HS3ST4: variants seen among roughly 807,000 people sequenced by gnomAD.
HS3ST4 encodes the protein heparan sulfate glucosamine 3-O-sulfotransferase 4.
In HS3ST4, 17 loss-of-function variants were observed where a neutral mutation model predicts 29.2. The ratio of observed to expected loss-of-function variants is 0.58; its 90% CI spans 0.40 to 0.87. HS3ST4 has a LOEUF of 0.87. Among genes scored for constraint, HS3ST4 ranks in the 40% least tolerant of loss-of-function variants. The pLI, the probability that HS3ST4 is intolerant of heterozygous loss-of-function variation, is 0.00. For synonymous variants in HS3ST4, 314 were observed against 285.7 expected (o/e 1.10, Z -1.00); for missense variants, 627 against 634.5 (o/e 0.99, Z 0.13).
intron 1 of HS3ST4, among the ~76,000 whole-genome samples, chr16:26,095,851 A>T (rs1898919654): frequency 6.6e-6 from 1 of 152,230 alleles, no homozygotes; most frequent in Non-Finnish European, 1.5e-5. Context: ...AAAGATCAAC[A>T]AAATTGATAG....
chr16:25,855,311 ATGTCTC>A (rs1234541521), intron 1 of HS3ST4, among the ~76,000 whole-genome samples: 2 of 152,134 alleles, frequency 1.3e-5, no homozygotes, highest in Non-Finnish European at 2.9e-5. Flanking sequence ...TAGGTGGTAA[ATGTCTC>A]CTTTTGGACT....
chr16:25,750,973 A>G (rs1038199999), intron 1 of HS3ST4, among the ~76,000 whole-genome samples: 1 of 152,168 alleles, frequency 6.6e-6, no homozygotes, highest in African/African-American at 2.4e-5. Flanking sequence ...CAGGGCAGGC[A>G]GGAGGAAAGG....
chr16:25,954,014 G>A (rs1037459400), intron 1 of HS3ST4, among the ~76,000 whole-genome samples: 5 of 152,110 alleles, frequency 3.3e-5, no homozygotes, highest in Non-Finnish European at 7.4e-5. Context: ...AGAGTCTCAG[G>A]TGCTTGCAAA....
chr16:26,014,285 C>G (rs556492387), intron 1 of HS3ST4, among the ~76,000 whole-genome samples: 3 of 152,190 alleles, frequency 2.0e-5, no homozygotes, highest in Admixed American at 6.5e-5. Context: ...TCCATGAATA[C>G]TTAACAAATG....
intron 1 of HS3ST4, among the ~76,000 whole-genome samples, chr16:25,939,013 C>T (rs1023690744): frequency 6.6e-6 from 1 of 152,096 alleles, no homozygotes; most frequent in Non-Finnish European, 1.5e-5. Flanking sequence ...TAGTGATCAG[C>T]GATGATCAGT....
rs183668559 is a variant in HS3ST4, at chr16:25,865,721, G to A, written c.734+172570G>A. ...AAAGTTGCCAAGACCATGCAATAGG[G>A]AAAGGACAGCCTCTTCATTGCATAA... is the stretch of plus-strand genomic sequence containing the variant. On this transcript the variant is annotated intron_variant, in intron 1 of 1. Transcript: ENST00000331351. Among the ~76,000 whole-genome samples, 797 of 152,284 alleles carry A rather than the reference G, an allele frequency of 5.2e-3. 4 individuals are homozygous for A. Among genetic ancestry groups the A allele is most frequent in the Non-Finnish European group, 7.9e-3 (537 of 68,024 alleles).
At chr16:25,709,939 G>C (rs1567224554) in intron 1 of HS3ST4, among the ~76,000 whole-genome samples, 1 of 152,126 alleles carries the variant, frequency 6.6e-6, no homozygotes. Context: ...AAGTGAAATA[G>C]TTTCATCACA....
chr16:25,753,128 A>C (rs1966732637), intron 1 of HS3ST4, among the ~76,000 whole-genome samples: 1 of 152,210 alleles, frequency 6.6e-6, no homozygotes, highest in Admixed American at 6.5e-5. Context: ...GTCTATAAAT[A>C]AGAGCTGTCC....
At chr16:26,071,755 C>T (rs1255435274) in intron 1 of HS3ST4, among the ~76,000 whole-genome samples, 2 of 152,160 alleles carry the variant, frequency 1.3e-5, no homozygotes, top group African/African-American at 4.8e-5. Context: ...TAGGGTATAA[C>T]ATTGAAGGGA....
intron 1 of HS3ST4, among the ~76,000 whole-genome samples, chr16:26,046,186 T>C (rs1898262678): frequency 6.8e-6 from 1 of 147,010 alleles, no homozygotes; most frequent in African/African-American, 2.5e-5. Flanking sequence ...AGTATCGCTC[T>C]ATCGCCCAGG....
intron 1 of HS3ST4, among the ~76,000 whole-genome samples, chr16:25,874,777 G>A (rs1967812161): frequency 6.6e-6 from 1 of 152,158 alleles, no homozygotes; most frequent in Non-Finnish European, 1.5e-5. Context: ...CAGACAGTTG[G>A]AAAGTAGCAT....
At chr16:25,799,031 C>G (rs1014442080) in intron 1 of HS3ST4, among the ~76,000 whole-genome samples, 8 of 152,192 alleles carry the variant, frequency 5.3e-5, no homozygotes, top group Non-Finnish European at 1.0e-4. Context: ...ATATAAGCAG[C>G]AAGAATGGCT....
intron 1 of HS3ST4, among the ~76,000 whole-genome samples, chr16:25,776,490 T>A (rs910729422): frequency 1.3e-5 from 2 of 152,206 alleles, no homozygotes; most frequent in African/African-American, 2.4e-5. Flanking sequence ...TGTTGATTGA[T>A]GTCTCATGTC....
chr16:26,013,717 G>A (rs557676937), intron 1 of HS3ST4, among the ~76,000 whole-genome samples: 125 of 152,194 alleles, frequency 8.2e-4, no homozygotes, highest in African/African-American at 2.9e-3. Flanking sequence ...CTGTTAAAAA[G>A]CACCCACTCT....
chr16:25,735,710 G>C (rs1966604400), intron 1 of HS3ST4, among the ~76,000 whole-genome samples: 1 of 152,130 alleles, frequency 6.6e-6, no homozygotes, highest in African/African-American at 2.4e-5. Context: ...CTTTTAAATG[G>C]CTCAGCCACA....
At chr16:25,749,387 T>G (rs78053237) in intron 1 of HS3ST4, among the ~76,000 whole-genome samples, 1 of 152,028 alleles carries the variant, frequency 6.6e-6, no homozygotes, top group African/African-American at 2.4e-5. Context: ...TCCAGCTACT[T>G]GGGAGGCTGA....
chr16:25,717,516 T>G (rs1032696768), intron 1 of HS3ST4, among the ~76,000 whole-genome samples: 1 of 117,724 alleles, frequency 8.5e-6, no homozygotes. Context: ...AAGGGGTGTG[T>G]GTGTGTGTGT....
intron 1 of HS3ST4, among the ~76,000 whole-genome samples, chr16:25,769,282 G>A (rs1250378557): frequency 6.6e-6 from 1 of 152,122 alleles, no homozygotes; most frequent in African/African-American, 2.4e-5. Flanking sequence ...GTGTCTGTGT[G>A]TGTGTGCCCA....
intron 1 of HS3ST4, among the ~76,000 whole-genome samples, chr16:26,009,737 GAGCTAAAGCAGTTCACGTGCTTATT>G (rs1475443580): frequency 3.9e-5 from 6 of 152,300 alleles, no homozygotes; most frequent in African/African-American, 1.2e-4. Flanking sequence ...CACATTTTAT[GAGCTAAAGCAGTTCACGTGCTTATT>G]AGCTAAAGCA....
Sources: gnomAD v4.1 joint callset for allele counts (sites outside exome capture counted in the v4.1 genomes callset) on GRCh38, gnomAD v4.1.1 for gene constraint, MANE v1.5 for transcripts, NCBI Gene and HGNC (gene_info 2026-07-23, HGNC 2026-07-21) for gene names.